The following SLC22A6 variants were observed in gnomAD, a reference collection of about 807,000 sequenced individuals.
SLC22A6 encodes the protein PAH transporter.
SLC22A6 carries 45 observed loss-of-function variants against 56.7 expected under a neutral mutation model. The ratio of observed to expected loss-of-function variants is 0.79; its 90% CI spans 0.63 to 1.02. SLC22A6 has a LOEUF of 1.02. Ranked by LOEUF, SLC22A6 falls within the 50% of genes least tolerant of loss-of-function variation. The pLI is 0.00. For synonymous variants in SLC22A6, 291 were observed against 295.9 expected (o/e 0.98, Z 0.17); for missense variants, 606 against 713.8 (o/e 0.85, Z 1.72).
chr11:62,983,430 G>A lies in SLC22A6; in HGVS notation c.628+107C>T. 8.6e-7 allele frequency: 1 copy of A among 1,158,482 alleles called. No homozygotes were observed. Among genetic ancestry groups the A allele is most frequent in the Non-Finnish European group, 1.2e-6 (1 of 810,328 alleles). 71.8% of individuals were successfully genotyped at this position (1,158,482 alleles called of 1,614,324 possible). On this transcript the variant is annotated intron_variant, in intron 3 of 9. Coordinates refer to ENST00000360421, the MANE Select transcript of SLC22A6 (RefSeq NM_153276.3). The surrounding 1 kb of genome is among the most constrained non-coding windows in gnomAD (Gnocchi z 4.5). Reference sequence around the variant, plus strand: ...TGGCAGGAAGGTGAGACCCGAGAGAGGCTGGAGGGCAGGCAGGGCTCAGGA... The same window carrying A: ...TGGCAGGAAGGTGAGACCCGAGAGAAGCTGGAGGGCAGGCAGGGCTCAGGA...
chr11:62,981,905 G>A lies in SLC22A6; in HGVS notation c.734C>T (p.Pro245Leu). ...CAGTAGCTGCAGGTGGCGCCAGTGG[G>A]GCACAGCGTAGGCCACACCAGCCAG... ...FLLAGVAYAVPHWRHLQLLVS... is the reference protein window; with the variant it reads ...FLLAGVAYAVLHWRHLQLLVS... The change falls in exon 4 of 10, where the codon CCC (proline) becomes CTC (leucine). Residue 245 changes from proline (P) to leucine (L), a missense_variant. Coordinates refer to ENST00000360421, the MANE Select transcript of SLC22A6 (RefSeq NM_153276.3). 4 of 1,614,124 alleles carry A rather than the reference G, an allele frequency of 2.5e-6. No individual in the cohort carries two copies. The highest frequency in any genetic ancestry group is 3.4e-6 in the Non-Finnish European group (4 of 1,180,008).
chr11:62,980,848 T>C, intron 6 of SLC22A6, 137 bp downstream of exon 6: 1 of 672,274 alleles, frequency 1.5e-6, no homozygotes, highest in Non-Finnish European at 2.5e-6. Context: ...CTAAGGATGA[T>C]CCCTAGTGTG....
Position 62,984,949 on chromosome 11 carries a change from T to A in SLC22A6, c.-259A>T. On this transcript the variant is annotated 5_prime_UTR_variant, in exon 1 of 10. Coordinates refer to ENST00000360421, the MANE Select transcript of SLC22A6 (RefSeq NM_153276.3). ...TCCTCACTTTGGGGGTCAGGGCAGCTCAGCTTTCAGGGTCTGCTGGAGACC... is the reference window on the plus strand; with the variant it reads ...TCCTCACTTTGGGGGTCAGGGCAGCACAGCTTTCAGGGTCTGCTGGAGACC... The A allele has an allele frequency of 2.0e-6, 1 of 500,648 alleles. No individual in the cohort carries two copies. The highest frequency in any genetic ancestry group is 3.6e-6 in the Non-Finnish European group (1 of 280,684). The allele number at this position is 500,648 out of a possible 1,614,324, so 31.0% of individuals were successfully genotyped here.
chr11:62,981,038 CT>C lies in SLC22A6; in HGVS notation c.983del (p.Glu328GlyfsTer42), dbSNP rs1371051928. ...GGCGGAGGGTGGGGCAGCGCAGCAG[CT>C]CCATGGCCGATGCCTGGCCTTTGCC... The part of the protein sequence containing the change: ...TMGKGQASAM[E>X]LLRCPTLRHL... On this transcript the variant is annotated frameshift_variant, in exon 6 of 10. Transcript: ENST00000360421. LOFTEE classifies it high-confidence loss of function. 1 of 1,612,526 alleles carries C rather than the reference CT, an allele frequency of 6.2e-7. No homozygotes were observed. The highest frequency in any genetic ancestry group is 2.2e-5 in the East Asian group (1 of 44,838).
rs749510576 is a variant in SLC22A6, at chr11:62,976,807, T to C, written c.1640A>G (p.Lys547Arg). 1.2e-6 allele frequency: 2 copies of C among 1,613,578 alleles called. No individual in the cohort carries two copies. The highest frequency in any genetic ancestry group is 8.5e-7 in the Non-Finnish European group (1 of 1,179,764). The change falls in exon 10 of 10, where the codon AAG becomes AGG. Residue 547 changes from lysine (K) to arginine (R), a missense_variant. Physicochemically the swap from Lys to Arg is conservative, Grantham distance 26. Coordinates refer to ENST00000360421, the MANE Select transcript of SLC22A6 (RefSeq NM_153276.3). ...MVPLQASAQEKNGL is the reference protein window; with the variant it reads ...MVPLQASAQERNGL ...CCTTCTCAGTCCTCAGAGTCCATTCTTCTCTTGTGCTGAGGCCTGCAGTGG... is the reference window on the plus strand; with the variant it reads ...CCTTCTCAGTCCTCAGAGTCCATTCCTCTCTTGTGCTGAGGCCTGCAGTGG...
At position 62,984,627 on chromosome 11, in the gene SLC22A6, T is replaced by A; in HGVS notation, c.64A>T (p.Thr22Ser). The A allele has an allele frequency of 6.2e-7, 1 of 1,613,678 alleles. No individual in the cohort carries two copies. Among genetic ancestry groups the A allele is most frequent in the Non-Finnish European group, 8.5e-7 (1 of 1,179,890 alleles). Reference sequence around the variant, plus strand: ...AGGAGCAGGGGGAGGACCACCAGGGTGACCTGGATCTGCTGGAAGCGGCCG... The same window carrying A: ...AGGAGCAGGGGGAGGACCACCAGGGAGACCTGGATCTGCTGGAAGCGGCCG... ...GVGRFQQIQV[T>S]LVVLPLLLMA... The change falls in exon 1 of 10, where the codon ACC (threonine) becomes TCC (serine). Residue 22 changes from threonine to serine, a missense_variant. By Grantham distance (58) the Thr-to-Ser change is moderately conservative. Transcript: ENST00000360421.
At chr11:62,981,756 A>G in intron 4 of SLC22A6, 86 bp downstream of exon 4, 1 of 1,316,882 alleles carries the variant, frequency 7.6e-7, no homozygotes, top group Non-Finnish European at 1.0e-6. Context: ...GTGGGATGGG[A>G]TGTGTGCTGA....
chr11:62,981,698 T>C, intron 4 of SLC22A6, 144 bp downstream of exon 4: 1 of 833,826 alleles, frequency 1.2e-6, no homozygotes. Flanking sequence ...TTGGTTTCCC[T>C]ATCTGTCACA....
At chr11:62,977,071 G>C (rs1484560017) in intron 9 of SLC22A6, 113 bp downstream of exon 9, 1 of 1,588,942 alleles carries the variant, frequency 6.3e-7, no homozygotes, top group Non-Finnish European at 8.6e-7. Context: ...TGGGGACAAA[G>C]GGACACAGAG....
chr11:62,982,109 G>T, intron 3 of SLC22A6, 99 bp from the exon 4 acceptor site: 1 of 1,192,254 alleles, frequency 8.4e-7, no homozygotes, highest in Non-Finnish European at 1.2e-6. Context: ...CCAAGGCTCA[G>T]TGGAAAATGC....
At chr11:62,981,518 C>A (rs1179407748) in intron 4 of SLC22A6, 135 bp from the exon 5 acceptor site, 3 of 650,668 alleles carry the variant, frequency 4.6e-6, no homozygotes, top group Non-Finnish European at 7.9e-6. Flanking sequence ...CTTGCCAAAT[C>A]CCTCTCTCTA....
rs555425316 is a variant in SLC22A6, at chr11:62,977,495, C to T, written c.1362-108G>A. 1.3e-4 allele frequency: 170 copies of T among 1,260,818 alleles called. 3 individuals carry two copies. In the South Asian group the frequency reaches 2.1e-3, roughly 15 times the overall value. The allele number at this position is 1,260,818 out of a possible 1,614,324, so 78.1% of individuals were successfully genotyped here. A position where few individuals can be genotyped will look rare whatever the true frequency, so the allele number is the denominator to read the frequency against. On this transcript the variant is annotated intron_variant, in intron 8 of 9. Coordinates refer to ENST00000360421, the MANE Select transcript of SLC22A6 (RefSeq NM_153276.3). The stretch of plus-strand genomic sequence containing the variant: ...TCAGGCTCAGCCCCCAGGACACTCC[C>T]GGTACCTCCTCTCTTCCCCATTTGA...
rs761347738 is a variant in SLC22A6 at position 62,981,264 on chromosome 11, A to T, written c.917T>A (p.Met306Lys). 1 of 1,609,782 alleles carries T rather than the reference A, an allele frequency of 6.2e-7. No homozygotes were observed. Residue 306 changes from methionine (M) to lysine (K), a missense_variant, in exon 5 of 10, where the codon ATG becomes AAG. By Grantham distance (95) the Met-to-Lys change is moderately conservative. Coordinates refer to ENST00000360421, the MANE Select transcript of SLC22A6 (RefSeq NM_153276.3). The stretch of plus-strand genomic sequence containing the variant: ...GGAAGTCTCAGGGGATCTCACCTCC[A>T]TACTCAATTTGGCTCCTTCTTCCCG... ...GKREEGAKLSMEVLRASLQKE... is the reference protein window; with the variant it reads ...GKREEGAKLSKEVLRASLQKE...
chr11:62,983,811 A>T lies in SLC22A6; in HGVS notation c.474-120T>A. On this transcript the variant is annotated intron_variant, in intron 2 of 9. Transcript: ENST00000360421. This position sits in a 1 kb window ranked among gnomAD's most constrained non-coding sequence, Gnocchi z 4.5. The stretch of plus-strand genomic sequence containing the variant: ...GCTGGGGCCTTTTGAGGACCTCTGA[A>T]GTATGAGGCTGGTGCTGTAGATCCT... 8.3e-7 allele frequency: 1 copy of T among 1,209,382 alleles called. No individual in the cohort carries two copies. Among genetic ancestry groups the T allele is most frequent in the Non-Finnish European group, 1.2e-6 (1 of 865,262 alleles). The allele number at this position is 1,209,382 out of a possible 1,614,324, so 74.9% of individuals were successfully genotyped here.
At position 62,984,675 on chromosome 11, in the gene SLC22A6, G is replaced by A. The variant is rs2086300277; in HGVS notation, c.16C>T (p.Leu6Phe). The A allele has an allele frequency of 1.2e-6, 2 of 1,613,122 alleles. No homozygotes were observed. Among genetic ancestry groups the A allele is most frequent in the Non-Finnish European group, 1.7e-6 (2 of 1,179,876 alleles). The change falls in exon 1 of 10, where the codon CTC (leucine) becomes TTC (phenylalanine). Residue 6 changes from leucine (L) to phenylalanine (F), a missense_variant. Leu to Phe is a conservative substitution (Grantham distance 22). Transcript: ENST00000360421. MAFND[L>F]LQQVGGVGRF... Reference sequence around the variant, plus strand: ...CCGACACCCCCCACCTGCTGCAGGAGGTCATTAAAGGCCATTGGGCCAGGC... The same window carrying A: ...CCGACACCCCCCACCTGCTGCAGGAAGTCATTAAAGGCCATTGGGCCAGGC...
chr11:62,979,861 A>G lies in SLC22A6; in HGVS notation c.1125T>C (p.Gly375=), dbSNP rs1387701778. 1 of 1,614,104 alleles carries G rather than the reference A, an allele frequency of 6.2e-7. No homozygotes were observed. The highest frequency in any genetic ancestry group is 1.7e-5 in the Admixed American group (1 of 60,016). The change falls in exon 7 of 10, where the codon GGT becomes GGC. Residue 375 remains glycine (G), a synonymous_variant. Coordinates refer to ENST00000360421, the MANE Select transcript of SLC22A6 (RefSeq NM_153276.3). The part of the protein sequence containing the change: ...VSIYLIQVIF[G]AVDLPAKLVG... ...CAAGCTTGGCAGGCAGGTCCACAGC[A>G]CCAAAGATCACCTGGATTAGGTAGA...
chr11:62,983,409 A>C lies in SLC22A6; in HGVS notation c.628+128T>G. On this transcript the variant is annotated intron_variant, in intron 3 of 9. Transcript: ENST00000360421. The surrounding 1 kb of genome is among the most constrained non-coding windows in gnomAD (Gnocchi z 4.5). ...CCTGAGAAAAGGTTGTTCTATTGGCAGGAAGGTGAGACCCGAGAGAGGCTG... is the reference window on the plus strand; with the variant it reads ...CCTGAGAAAAGGTTGTTCTATTGGCCGGAAGGTGAGACCCGAGAGAGGCTG... 1 of 926,854 alleles carries C rather than the reference A, an allele frequency of 1.1e-6. No individual in the cohort carries two copies. Among genetic ancestry groups the C allele is most frequent in the Non-Finnish European group, 1.6e-6 (1 of 612,130 alleles). The allele number at this position is 926,854 out of a possible 1,614,324, so 57.4% of individuals were successfully genotyped here. A position where few individuals can be genotyped will look rare whatever the true frequency, so the allele number is the denominator to read the frequency against.
At position 62,979,027 on chromosome 11, in the gene SLC22A6, A is replaced by G. The variant is rs1239431993; in HGVS notation, c.1361+461T>C. ...CTGCCCTCCATCTTAGGACTCAAAT[A>G]AGCAATACTATATTTATTCCTATTG... is the stretch of plus-strand genomic sequence containing the variant. On this transcript the variant is annotated intron_variant, in intron 8 of 9. Coordinates refer to ENST00000360421, the MANE Select transcript of SLC22A6 (RefSeq NM_153276.3). Among the ~76,000 whole-genome samples, 6 of 152,316 alleles carry G rather than the reference A, an allele frequency of 3.9e-5. No homozygotes were observed. The South Asian group carries it at 1.2e-3, about 32-fold the overall frequency.
rs1371202584 is a variant in SLC22A6, at chr11:62,983,355, T to C, written c.628+182A>G. On this transcript the variant is annotated intron_variant, in intron 3 of 9. Transcript: ENST00000360421. The surrounding 1 kb of genome is among the most constrained non-coding windows in gnomAD (Gnocchi z 4.5). Reference sequence around the variant, plus strand: ...CACTGCGCCTGGCCCGCAATCCTGTTTTTAAATGAGGGGTCAGGGCGGCAT... The same window carrying C: ...CACTGCGCCTGGCCCGCAATCCTGTCTTTAAATGAGGGGTCAGGGCGGCAT... Among the ~76,000 whole-genome samples, 1 of 152,128 alleles carries C rather than the reference T, an allele frequency of 6.6e-6. No homozygotes were observed.
Sources: gnomAD v4.1 joint callset for allele counts (sites outside exome capture counted in the v4.1 genomes callset) on GRCh38, gnomAD v4.1.1 for gene constraint, Gnocchi (gnomAD v3.1) non-coding constraint, MANE v1.5 for transcripts, NCBI Gene and HGNC (gene_info 2026-07-23, HGNC 2026-07-21) for gene names.